The following MYOF variants were observed in gnomAD, a reference collection of about 807,000 sequenced individuals.
The protein encoded by MYOF is fer-1-like 3, myoferlin.
In MYOF, 244 loss-of-function variants were observed where a neutral mutation model predicts 284.2. The observed-to-expected ratio is 0.86, with a 90% confidence interval of 0.77 to 0.95. MYOF has a LOEUF of 0.95. MYOF is among the 40% of genes least tolerant of loss of function. The pLI is 0.00. For missense variants in MYOF, 2,496 were observed against 2,560.6 expected (o/e 0.97, Z 0.54); for synonymous variants, 904 against 919.7 (o/e 0.98, Z 0.31).
At chr10:93,474,808 G>A (rs1011458273) in intron 1 of MYOF, among the ~76,000 whole-genome samples, 5 of 150,794 alleles carry the variant, frequency 3.3e-5, no homozygotes, top group Non-Finnish European at 5.9e-5. Flanking sequence ...GTGTAATGGC[G>A]CCATCTCAGC....
chr10:93,333,167 T>A, intron 43 of MYOF, 54 bp downstream of exon 43: 1 of 1,435,574 alleles, frequency 7.0e-7, no homozygotes, highest in Non-Finnish European at 9.8e-7. Flanking sequence ...AGAGTCTTCA[T>A]GCATGTTCCG....
In MYOF at chr10:93,396,143, T is replaced by C. The variant is rs1296495221; in HGVS notation, c.1416A>G (p.Glu472=). 5.6e-6 allele frequency: 9 copies of C among 1,605,258 alleles called. No homozygotes were observed. The African/African-American group carries it at 6.7e-5, about 12-fold the overall frequency. Residue 472 remains glutamate, a splice_region_variant and synonymous_variant, in exon 16 of 54, where the codon GAA becomes GAG. Coordinates refer to ENST00000359263, the MANE Select transcript of MYOF (RefSeq NM_013451.4). The part of the protein sequence containing the change: ...SKIAASGGEV[E]DFSSSGTGAA... ...TTCTAGATCTGTTGAGTGACTTACC[T>C]TCCACTTCCCCACCAGAGGCAGCAA... is the stretch of plus-strand genomic sequence containing the variant.
At chr10:93,424,014 A>G (rs1167726859) in intron 5 of MYOF, among the ~76,000 whole-genome samples, 2 of 152,164 alleles carry the variant, frequency 1.3e-5, no homozygotes, top group Admixed American at 1.3e-4. Context: ...CACAGATGCC[A>G]AGGAAGGCGG....
chr10:93,365,566 C>G (rs908984396), intron 26 of MYOF, among the ~76,000 whole-genome samples: 4 of 152,204 alleles, frequency 2.6e-5, no homozygotes, highest in Admixed American at 2.0e-4. Context: ...GATTCTAGCC[C>G]CTACTATACC....
At chr10:93,328,703 A>C in intron 45 of MYOF, 60 bp downstream of exon 45, 2 of 1,531,508 alleles carry the variant, frequency 1.3e-6, no homozygotes, top group Admixed American at 1.7e-5. Flanking sequence ...CCCCAAACCC[A>C]GCAATATATA....
chr10:93,401,792 CGTGTGTGTGTGTGT>C (rs57326000), intron 11 of MYOF, among the ~76,000 whole-genome samples: 3 of 94,388 alleles, frequency 3.2e-5, no homozygotes, highest in South Asian at 4.1e-4. Flanking sequence ...AGAGCCTGTG[CGTGTGTGTGTGTGT>C]GTGTGTGTGT....
At chr10:93,462,421 G>A (rs2056906291) in intron 1 of MYOF, among the ~76,000 whole-genome samples, 1 of 152,096 alleles carries the variant, frequency 6.6e-6, no homozygotes, top group Admixed American at 6.6e-5. Flanking sequence ...GCAAGCCTAT[G>A]ACGTAGGCAC....
intron 25 of MYOF, among the ~76,000 whole-genome samples, chr10:93,368,437 C>A (rs919610968): frequency 6.6e-6 from 1 of 152,172 alleles, no homozygotes; most frequent in African/African-American, 2.4e-5. Flanking sequence ...AACAAGAGAC[C>A]TAGTTTTGCA....
rs1233760801 is a variant in MYOF at position 93,349,938 on chromosome 10, T to A, written c.3953A>T (p.Asn1318Ile). The A allele has an allele frequency of 1.2e-6, 2 of 1,613,972 alleles. No homozygotes were observed. The highest frequency in any genetic ancestry group is 1.7e-5 in the Admixed American group (1 of 59,992). ...GGATGTGATAGAAGCCATCTGGAAG[T>A]TTTTCATATTTCTTAAGCCCCAAGC... ...ILAWGLRNMK[N>I]FQMASITSPS... The change falls in exon 36 of 54, where the codon AAC (asparagine) becomes ATC (isoleucine). Residue 1318 changes from asparagine (N) to isoleucine (I), a missense_variant. Physicochemically the swap from Asn to Ile is moderately radical, Grantham distance 149. Transcript: ENST00000359263.
intron 25 of MYOF, among the ~76,000 whole-genome samples, chr10:93,368,737 A>T (rs1468287109): frequency 6.6e-6 from 1 of 152,244 alleles, no homozygotes; most frequent in Non-Finnish European, 1.5e-5. Context: ...CTTGCCTAGC[A>T]AGCAGATCAG....
chr10:93,329,886 A>T, intron 43 of MYOF, 52 bp from the exon 44 acceptor site: 1 of 1,585,828 alleles, frequency 6.3e-7, no homozygotes, highest in Non-Finnish European at 8.6e-7. Flanking sequence ...TGAGTACCTC[A>T]CAAAAACTGG....
intron 4 of MYOF, 112 bp downstream of exon 4, chr10:93,431,296 G>T: frequency 1.2e-6 from 1 of 808,234 alleles, no homozygotes; most frequent in Non-Finnish European, 2.0e-6. Flanking sequence ...GCCTCCCAAA[G>T]TGCTGGGATT....
At chr10:93,465,538 C>CTTTCTT (rs1554873022) in intron 1 of MYOF, among the ~76,000 whole-genome samples, 19 of 112,156 alleles carry the variant, frequency 1.7e-4, no homozygotes, top group South Asian at 6.2e-4. Flanking sequence ...TTTTTCTTTT[C>CTTTCTT]TTTTTTTTTT....
At chr10:93,442,097 T>A (rs1463123244) in intron 3 of MYOF, among the ~76,000 whole-genome samples, 2 of 151,602 alleles carry the variant, frequency 1.3e-5, no homozygotes, top group Non-Finnish European at 1.5e-5. Flanking sequence ...CATACCTATG[T>A]AAAATCCACA....
rs1845665521 is a variant in MYOF, at chr10:93,373,078, T to C, written c.2309A>G (p.Asn770Ser). 2 of 1,614,172 alleles carry C rather than the reference T, an allele frequency of 1.2e-6. No homozygotes were observed. The highest frequency in any genetic ancestry group is 1.6e-4 in the Middle Eastern group (1 of 6,062). ...KLMQLTEEPQ[N>S]SMPDIIIWMI... Reference sequence around the variant, plus strand: ...CCAGATGATGATGTCAGGCATGCTGTTCTGTGGCTGGTCATGAGGATTGGA... The same window carrying C: ...CCAGATGATGATGTCAGGCATGCTGCTCTGTGGCTGGTCATGAGGATTGGA... Residue 770 changes from asparagine to serine, a missense_variant, in exon 24 of 54, where the codon AAC (asparagine) becomes AGC (serine). Asn to Ser is a conservative substitution (Grantham distance 46, BLOSUM62 1). This residue lies in a region of MYOF where 2,436 missense variants were observed against 2,480.7 expected (regional missense o/e 0.98). Coordinates refer to ENST00000359263, the MANE Select transcript of MYOF (RefSeq NM_013451.4).
intron 1 of MYOF, 52 bp downstream of exon 1, chr10:93,482,055 A>T: frequency 6.6e-7 from 1 of 1,525,382 alleles, no homozygotes. Context: ...GTGACTCAAG[A>T]AACTAACATT....
chr10:93,414,804 T>C (rs1014609125), intron 5 of MYOF, among the ~76,000 whole-genome samples: 3 of 152,132 alleles, frequency 2.0e-5, no homozygotes, highest in Non-Finnish European at 4.4e-5. Flanking sequence ...AGTGTAGTGG[T>C]ACAATTTCAG....
chr10:93,440,292 G>A (rs967574319), intron 3 of MYOF, among the ~76,000 whole-genome samples: 124 of 152,032 alleles, frequency 8.2e-4, no homozygotes, highest in African/African-American at 2.9e-3. Flanking sequence ...GGCGCCTGTA[G>A]TCCTAGCTAC....
At chr10:93,402,731 TA>T (rs1847358226) in intron 10 of MYOF, 128 bp downstream of exon 10, 6 of 799,698 alleles carry the variant, frequency 7.5e-6, no homozygotes, top group Non-Finnish European at 1.2e-5. Flanking sequence ...ATTAAGAAAA[TA>T]TTTTTTAAAA....
Sources: allele counts gnomAD v4.1 joint callset (sites outside exome capture counted in the v4.1 genomes callset), GRCh38; gene constraint gnomAD v4.1.1; regional missense constraint gnomAD v4.1.1; transcripts MANE v1.5; gene names NCBI Gene and HGNC (gene_info 2026-07-23, HGNC 2026-07-21).